Variants in SCRIB observed in about 807,000 individuals in gnomAD.
The protein encoded by SCRIB is protein scribble homolog.
SCRIB carries 72 observed loss-of-function variants against 170.0 expected under a neutral mutation model. The observed-to-expected ratio is 0.42, with a 90% CI of 0.35 to 0.52. The LOEUF (loss-of-function observed/expected upper bound fraction) is 0.52, where lower values mean the gene tolerates loss of function less well. SCRIB is among the 20% of genes least tolerant of loss of function. The pLI, the probability that SCRIB is intolerant of heterozygous loss-of-function variation, is 0.02. For synonymous variants in SCRIB, 1,298 were observed against 1,044.3 expected, an observed-to-expected ratio of 1.24 and a Z score of -4.68; for missense variants, 2,475 against 2,338.5, an observed-to-expected ratio of 1.06 and a Z score of -1.20.
Position 143,814,131 on chromosome 8 carries a change from A to G in SCRIB, c.160-13T>C. ...GCCGGAAAAAAGGCTGTGGGCAGGG[A>G]GGACACGGACTCTGTGGCAGAGACC... On this transcript the variant is annotated splice_polypyrimidine_tract_variant and intron_variant, in intron 1 of 36. Transcript: ENST00000356994. 6.5e-7 allele frequency: 1 copy of G among 1,549,166 alleles called. No homozygotes were observed. Among genetic ancestry groups the G allele is most frequent in the Non-Finnish European group, 8.7e-7 (1 of 1,145,140 alleles).
rs1554633939 is a variant in SCRIB at position 143,795,545 on chromosome 8, G to A, written c.3604-15C>T. On this transcript the variant is annotated splice_polypyrimidine_tract_variant and intron_variant, in intron 24 of 36. Transcript: ENST00000356994. Reference sequence around the variant, plus strand: ...CCTGGGGACACCTGAGAAGAGGGGTGTGGGCTAAGAAGGGGGGACTGCAAC... The same window carrying A: ...CCTGGGGACACCTGAGAAGAGGGGTATGGGCTAAGAAGGGGGGACTGCAAC... 2 of 1,601,216 alleles carry A rather than the reference G, an allele frequency of 1.2e-6. No individual in the cohort carries two copies. Among genetic ancestry groups the A allele is most frequent in the African/African-American group, 1.3e-5 (1 of 74,776 alleles).
At chr8:143,812,038 G>A (rs907215601) in intron 9 of SCRIB, among the ~76,000 whole-genome samples, 9 of 152,128 alleles carry the variant, frequency 5.9e-5, no homozygotes, top group African/African-American at 1.4e-4. Context: ...CGATAAACAC[G>A]AGACCTAGAT....
chr8:143,807,049 G>T lies in SCRIB; in HGVS notation c.2179-36C>A, dbSNP rs145963123. On this transcript the variant is annotated intron_variant, in intron 16 of 36. Coordinates refer to ENST00000356994, the MANE Select transcript of SCRIB (RefSeq NM_182706.5). ...AACAGACAGGGTGTCTAGAAGGGCC[G>T]CAGTGGGGCTGCCTGTGCTCTCTGC... 7 of 1,466,060 alleles carry T rather than the reference G, an allele frequency of 4.8e-6. No homozygotes were observed. The Admixed American group carries it at 1.2e-4, about 26-fold the overall frequency. The allele number at this position is 1,466,060 out of a possible 1,614,324, so 90.8% of individuals were successfully genotyped here.
At chr8:143,794,996 C>A (rs1814878054) in intron 27 of SCRIB, 42 bp downstream of exon 27, 2 of 1,583,998 alleles carry the variant, frequency 1.3e-6, no homozygotes, top group African/African-American at 1.3e-5. Flanking sequence ...ATGAACAGGA[C>A]AACAGGACGG....
chr8:143,813,283 G>A, intron 6 of SCRIB, 28 bp downstream of exon 6: 2 of 1,612,832 alleles, frequency 1.2e-6, no homozygotes, highest in South Asian at 2.2e-5. Flanking sequence ...CCGCCCTCCG[G>A]TCTCTGCCCT....
At chr8:143,811,492 C>A in intron 9 of SCRIB, 147 bp from the exon 10 acceptor site, 1 of 690,694 alleles carries the variant, frequency 1.4e-6, no homozygotes, top group Non-Finnish European at 2.4e-6. Flanking sequence ...AAGGACCTGA[C>A]CACAGAAGCT....
At chr8:143,813,926 C>G in intron 2 of SCRIB, 30 bp from the exon 3 acceptor site, 1 of 1,601,066 alleles carries the variant, frequency 6.2e-7, no homozygotes, top group Non-Finnish European at 8.5e-7. Flanking sequence ...TGGACAGATG[C>G]CATGGCCTGC....
In SCRIB at chr8:143,803,869, T is replaced by C; in HGVS notation, c.3192A>G (p.Gln1064=). 1 of 1,600,024 alleles carries C rather than the reference T, an allele frequency of 6.2e-7. No homozygotes were observed. The highest frequency in any genetic ancestry group is 8.5e-7 in the Non-Finnish European group (1 of 1,174,528). ...CTTGGTGCGTGGCATCCCGCACGTCTTGCCCGTTCACTGCCAGGATGCGGT... is the reference window on the plus strand; with the variant it reads ...CTTGGTGCGTGGCATCCCGCACGTCCTGCCCGTTCACTGCCAGGATGCGGT... ...VGDRILAVNG[Q]DVRDATHQEA... is the part of the protein sequence containing the mutation. Residue 1064 remains glutamine, a synonymous_variant, in exon 23 of 37, where the codon CAA becomes CAG. Coordinates refer to ENST00000356994, the MANE Select transcript of SCRIB (RefSeq NM_182706.5).
intron 24 of SCRIB, among the ~76,000 whole-genome samples, chr8:143,799,520 A>G (rs1815083243): frequency 6.6e-6 from 1 of 152,282 alleles, no homozygotes; most frequent in African/African-American, 2.4e-5. Flanking sequence ...CCTCATGCCA[A>G]ACACGCGGGG....
chr8:143,808,713 C>T lies in SCRIB; in HGVS notation c.2011G>A (p.Glu671Lys). ...EEEEEEGSPQEEEEEEEEENR... is the reference protein window; with the variant it reads ...EEEEEEGSPQKEEEEEEEENR... Reference sequence around the variant, plus strand: ...TCCTCCTCCTCCTCTTCCTCCTCCTCCTGAGGACTACCCTCTTCCTCCTCC... The same window carrying T: ...TCCTCCTCCTCCTCTTCCTCCTCCTTCTGAGGACTACCCTCTTCCTCCTCC... Residue 671 changes from glutamate to lysine, a missense_variant, in exon 15 of 37, where the codon GAG becomes AAG. This residue lies in a region of SCRIB where 1,966 missense variants were observed against 1,742.9 expected (regional missense o/e 1.13). Transcript: ENST00000356994. 1 of 1,580,508 alleles carries T rather than the reference C, an allele frequency of 6.3e-7. No individual in the cohort carries two copies. The highest frequency in any genetic ancestry group is 8.6e-7 in the Non-Finnish European group (1 of 1,163,364).
chr8:143,805,653 C>A (rs1363471938), intron 18 of SCRIB, among the ~76,000 whole-genome samples: 2 of 152,202 alleles, frequency 1.3e-5, no homozygotes, highest in African/African-American at 2.4e-5. Flanking sequence ...GTGTGGGAAG[C>A]CCTAGGGCCA....
chr8:143,803,640 G>T lies in SCRIB; in HGVS notation c.3414+7C>A, dbSNP rs1173972278. The T allele has an allele frequency of 1.8e-5, 28 of 1,530,982 alleles. No homozygotes were observed. In the Admixed American group the frequency reaches 4.3e-4, roughly 23 times the overall value. The allele number at this position is 1,530,982 out of a possible 1,614,324, so 94.8% of individuals were successfully genotyped here. A position where few individuals can be genotyped will look rare whatever the true frequency, so the allele number is the denominator to read the frequency against. ...GCCCAGGGCGGGCTGGGGTGGGGGG[G>T]GCTCACCTTGGAGATGAAGATGCCC... is the stretch of plus-strand genomic sequence containing the variant. On this transcript the variant is annotated splice_region_variant and intron_variant, in intron 23 of 36. Coordinates refer to ENST00000356994, the MANE Select transcript of SCRIB (RefSeq NM_182706.5).
chr8:143,806,290 C>T, intron 18 of SCRIB, 117 bp downstream of exon 18: 1 of 785,240 alleles, frequency 1.3e-6, no homozygotes. Context: ...GTCTGGGTGT[C>T]CTGTGCTTGG....
At position 143,803,683 on chromosome 8, in the gene SCRIB, G is replaced by C; in HGVS notation, c.3378C>G (p.Pro1126=). The change falls in exon 23 of 37, where the codon CCC becomes CCG. Residue 1126 remains proline (P), a synonymous_variant. Transcript: ENST00000356994. ...AGATGCCCTCGTCTGTGGGGTCGCG[G>C]GGGTTGCCAGCGTGGCCCCTGGCAC... ...RGGARGHAGN[P]RDPTDEGIFI... is the part of the protein sequence containing the mutation. 1 of 1,578,546 alleles carries C rather than the reference G, an allele frequency of 6.3e-7. No individual in the cohort carries two copies. Among genetic ancestry groups the C allele is most frequent in the East Asian group, 2.3e-5 (1 of 43,882 alleles).
Position 143,795,055 on chromosome 8 carries a change from C to T in SCRIB, c.3829G>A (p.Ala1277Thr), listed in dbSNP as rs148343456. The T allele has an allele frequency of 1.1e-4, 183 of 1,610,978 alleles. No individual in the cohort carries two copies. In the East Asian group the frequency reaches 3.5e-3, roughly 31 times the overall value. The change falls in exon 27 of 37, where the codon GCT becomes ACT. Residue 1277 changes from alanine to threonine, a missense_variant. Transcript: ENST00000356994. Reference sequence around the variant, plus strand: ...GCACTCACCCTCTGCACGCTGCCAGCGCTGGGCACGGCGGCCAGGGCGCGG... The same window carrying T: ...GCACTCACCCTCTGCACGCTGCCAGTGCTGGGCACGGCGGCCAGGGCGCGG... Reference protein sequence around the residue: ...DYRALAAVPSAGSVQRVPSGA... With the variant: ...DYRALAAVPSTGSVQRVPSGA...
chr8:143,793,864 C>T, intron 28 of SCRIB, 36 bp downstream of exon 28: 2 of 1,605,252 alleles, frequency 1.2e-6, no homozygotes, highest in Non-Finnish European at 1.7e-6. Flanking sequence ...GCCCTCCACC[C>T]ACCATGGGGC....
At chr8:143,815,070 G>A in intron 1 of SCRIB, 144 bp downstream of exon 1, 1 of 936,448 alleles carries the variant, frequency 1.1e-6, no homozygotes, top group Non-Finnish European at 1.5e-6. Context: ...GAGAAGGGTG[G>A]GGCTGGCTGG....
In SCRIB at chr8:143,813,114, G is replaced by A. The variant is rs570416188; in HGVS notation, c.568-10C>T. ...CCCCCAGAGTGTCTGGCTGCAAGAA[G>A]GAACAGAGAAAATAGTGACTATGAG... On this transcript the variant is annotated splice_polypyrimidine_tract_variant and intron_variant, in intron 6 of 36. Coordinates refer to ENST00000356994, the MANE Select transcript of SCRIB (RefSeq NM_182706.5). 51 of 1,572,904 alleles carry A rather than the reference G, an allele frequency of 3.2e-5. 2 individuals carry two copies. Among genetic ancestry groups the A allele is most frequent in the South Asian group, 1.5e-4 (13 of 87,380 alleles).
intron 28 of SCRIB, chr8:143,793,416 G>GA (rs1163007768): frequency 3.9e-5 from 11 of 282,558 alleles, no homozygotes; most frequent in African/African-American, 6.6e-5. Flanking sequence ...CGGGGGTAGA[G>GA]AGGGGGGTGG....
Sources: gnomAD v4.1 joint callset for allele counts (sites outside exome capture counted in the v4.1 genomes callset) on GRCh38, gnomAD v4.1.1 for gene constraint, gnomAD v4.1.1 regional missense constraint, MANE v1.5 for transcripts, NCBI Gene and HGNC (gene_info 2026-07-23, HGNC 2026-07-21) for gene names.